The following NUP210 variants were observed in gnomAD, a reference collection of about 807,000 sequenced individuals.
The protein encoded by NUP210 is nuclear pore membrane glycoprotein 210.
Under a neutral mutation model 196.0 loss-of-function variants are expected in NUP210, and 151 were observed. That is an observed-to-expected ratio of 0.77 (90% confidence interval 0.67 to 0.88). The LOEUF (loss-of-function observed/expected upper bound fraction) is 0.88, where lower values mean the gene tolerates loss of function less well. NUP210 is among the 40% of genes least tolerant of loss of function. The pLI, the probability that NUP210 is intolerant of heterozygous loss-of-function variation, is 0.00. For missense variants in NUP210, 2,314 were observed against 2,493.7 expected, an observed-to-expected ratio of 0.93 and a Z score of 1.53; for synonymous variants, 1,070 against 1,052.7, an observed-to-expected ratio of 1.02 and a Z score of -0.32.
rs949658035 is a variant in NUP210 at position 13,350,581 on chromosome 3, G to A, written c.2835+1298C>T. Among the ~76,000 whole-genome samples, 3 of 151,766 alleles carry A rather than the reference G, an allele frequency of 2.0e-5. No individual in the cohort carries two copies. Among genetic ancestry groups the A allele is most frequent in the Non-Finnish European group, 4.4e-5 (3 of 68,008 alleles). Reference sequence around the variant, plus strand: ...CCAGAGATCAGATTCACCAGGCAAAGCCTTCCAACCAAACAACGATGAAGG... The same window carrying A: ...CCAGAGATCAGATTCACCAGGCAAAACCTTCCAACCAAACAACGATGAAGG... On this transcript the variant is annotated intron_variant, in intron 20 of 39. Coordinates refer to ENST00000254508, the MANE Select transcript of NUP210 (RefSeq NM_024923.4). The surrounding 1 kb of genome is among the most constrained non-coding windows in gnomAD (Gnocchi z 4.1).
Position 13,335,608 on chromosome 3 carries a change from G to A in NUP210, c.3689C>T (p.Ser1230Leu), listed in dbSNP as rs748810442. 75 of 1,613,820 alleles carry A rather than the reference G, an allele frequency of 4.6e-5. 1 individual carries two copies. The South Asian group carries it at 6.3e-4, about 13-fold the overall frequency. The change falls in exon 28 of 40, where the codon TCG (serine) becomes TTG (leucine). Residue 1230 changes from serine (S) to leucine (L), a missense_variant. By Grantham distance (145) the Ser-to-Leu change is moderately radical (BLOSUM62 -2). Coordinates refer to ENST00000254508, the MANE Select transcript of NUP210 (RefSeq NM_024923.4). ...LDLRGRHHEA[S>L]IRLPSQYNFA... The stretch of plus-strand genomic sequence containing the variant: ...GTTGTACTGTGACGGGAGTCGGATC[G>A]ACGCCTGGGAAGACATCAAACACGT...
Position 13,323,486 on chromosome 3 carries a change from G to A in NUP210, c.4645-54C>T, listed in dbSNP as rs1696622748. ...GAGCGCCGCCTGTGTCCCGGTCCAT[G>A]CTGGGCGTTTCCACAACCTCACCCT... On this transcript the variant is annotated intron_variant, in intron 33 of 39. Transcript: ENST00000254508. The surrounding 1 kb of genome is among the most constrained non-coding windows in gnomAD (Gnocchi z 4.3). 2 of 1,600,254 alleles carry A rather than the reference G, an allele frequency of 1.2e-6. No individual in the cohort carries two copies. Among genetic ancestry groups the A allele is most frequent in the Admixed American group, 1.7e-5 (1 of 58,586 alleles).
intron 13 of NUP210, among the ~76,000 whole-genome samples, chr3:13,370,866 T>A (rs1441259225): frequency 2.6e-5 from 4 of 152,218 alleles, no homozygotes; most frequent in African/African-American, 9.6e-5. Context: ...CAGGATCACA[T>A]CGCTCTTCTG....
intron 33 of NUP210, among the ~76,000 whole-genome samples, chr3:13,324,286 C>G (rs1232601944): frequency 6.6e-6 from 1 of 152,094 alleles, no homozygotes; most frequent in Non-Finnish European, 1.5e-5. Flanking sequence ...TGGCCCCTCT[C>G]CTGCCTGCAC....
At position 13,340,403 on chromosome 3, in the gene NUP210, A is replaced by T. The variant is rs1211527658; in HGVS notation, c.3229-105T>A. 1 of 989,366 alleles carries T rather than the reference A, an allele frequency of 1.0e-6. No individual in the cohort carries two copies. Among genetic ancestry groups the T allele is most frequent in the South Asian group, 1.4e-5 (1 of 71,562 alleles). The allele number at this position is 989,366 out of a possible 1,614,324, so 61.3% of individuals were successfully genotyped here. On this transcript the variant is annotated intron_variant, in intron 23 of 39. Coordinates refer to ENST00000254508, the MANE Select transcript of NUP210 (RefSeq NM_024923.4). The surrounding 1 kb of genome is among the most constrained non-coding windows in gnomAD (Gnocchi z 4.0). ...CATGAGAGGAAAACCTGGGACATGG[A>T]CATCACTTCTCTCTGAGCAGTGACC... is the stretch of plus-strand genomic sequence containing the variant.
At chr3:13,418,316 G>A (rs945196921) in intron 1 of NUP210, among the ~76,000 whole-genome samples, 2 of 152,256 alleles carry the variant, frequency 1.3e-5, no homozygotes, top group African/African-American at 2.4e-5. Context: ...GGGCAGGCCG[G>A]GTGCAGTGGC....
chr3:13,338,890 C>T (rs750459129), intron 25 of NUP210, among the ~76,000 whole-genome samples: 97 of 152,272 alleles, frequency 6.4e-4, no homozygotes, highest in Admixed American at 4.6e-3. Context: ...ACAAGGAATA[C>T]GCAGGGCCCT....
rs2124840033 is a variant in NUP210 at position 13,328,798 on chromosome 3, C to T, written c.4259G>A (p.Ser1420Asn). Residue 1420 changes from serine to asparagine, a missense_variant, in exon 31 of 40, where the codon AGT (serine) becomes AAT (asparagine). By Grantham distance (46) the Ser-to-Asn change is conservative (BLOSUM62 1). Coordinates refer to ENST00000254508, the MANE Select transcript of NUP210 (RefSeq NM_024923.4). The part of the protein sequence containing the change: ...DNSGDVFHAH[S>N]SVLNFATNRD... ...GTTAGTGGCAAAGTTGAGGACCGAA[C>T]TGTGAGCATGGAAGACATCTCCAGA... 6.2e-7 allele frequency: 1 copy of T among 1,614,162 alleles called. No individual in the cohort carries two copies. Among genetic ancestry groups the T allele is most frequent in the Non-Finnish European group, 8.5e-7 (1 of 1,179,994 alleles).
chr3:13,410,034 T>G (rs1403889461), intron 1 of NUP210, among the ~76,000 whole-genome samples: 2 of 150,804 alleles, frequency 1.3e-5, no homozygotes, highest in African/African-American at 4.9e-5. Flanking sequence ...TTTTTTTTTT[T>G]TTGTATTTTA....
At chr3:13,330,376 C>T (rs964417449) in intron 30 of NUP210, 84 bp downstream of exon 30, 9 of 1,288,832 alleles carry the variant, frequency 7.0e-6, no homozygotes, top group African/African-American at 4.4e-5. Flanking sequence ...GGAAGGTGAA[C>T]GTATTCACTT....
At chr3:13,382,112 C>T (rs1464962456) in intron 6 of NUP210, among the ~76,000 whole-genome samples, 1 of 152,216 alleles carries the variant, frequency 6.6e-6, no homozygotes, top group Non-Finnish European at 1.5e-5. Context: ...AAACCTAGTA[C>T]ATTTTATTTC....
At chr3:13,386,205 A>T in intron 6 of NUP210, 70 bp downstream of exon 6, 1 of 1,537,238 alleles carries the variant, frequency 6.5e-7, no homozygotes, top group Non-Finnish European at 8.8e-7. Flanking sequence ...AAATTTTGTT[A>T]CATGTATGTA....
chr3:13,324,421 G>C (rs1475538150), intron 33 of NUP210, among the ~76,000 whole-genome samples: 1 of 152,140 alleles, frequency 6.6e-6, no homozygotes, highest in Non-Finnish European at 1.5e-5. Flanking sequence ...TGTGCCTCCT[G>C]CCTCACCTGG....
intron 30 of NUP210, 140 bp downstream of exon 30, chr3:13,330,320 C>T: frequency 1.3e-6 from 1 of 772,106 alleles, no homozygotes. Flanking sequence ...TACCTAGGAC[C>T]TTTGCCCCTG....
At chr3:13,334,411 T>C (rs1249196651) in intron 28 of NUP210, among the ~76,000 whole-genome samples, 1 of 152,178 alleles carries the variant, frequency 6.6e-6, no homozygotes. Flanking sequence ...TGTCTGTGTG[T>C]GCATGTGTGT....
chr3:13,329,117 C>CCCAA (rs1161279817), intron 30 of NUP210, among the ~76,000 whole-genome samples, 171 bp from the exon 31 acceptor site: 1 of 152,130 alleles, frequency 6.6e-6, no homozygotes, highest in East Asian at 1.9e-4. Flanking sequence ...CCCAGAGTGT[C>CCCAA]CCAACCTAGT....
At chr3:13,406,849 C>T (rs1272518572) in intron 1 of NUP210, among the ~76,000 whole-genome samples, 2 of 150,888 alleles carry the variant, frequency 1.3e-5, no homozygotes, top group Non-Finnish European at 3.0e-5. Flanking sequence ...CCCCCCCCAC[C>T]CCCCACACGG....
At chr3:13,383,336 C>G (rs997433736) in intron 6 of NUP210, among the ~76,000 whole-genome samples, 1 of 152,038 alleles carries the variant, frequency 6.6e-6, no homozygotes, top group Non-Finnish European at 1.5e-5. Flanking sequence ...CATCTCATGA[C>G]ATGATGAAAG....
At chr3:13,411,998 C>T (rs1481970364) in intron 1 of NUP210, among the ~76,000 whole-genome samples, 1 of 152,150 alleles carries the variant, frequency 6.6e-6, no homozygotes, top group Non-Finnish European at 1.5e-5. Context: ...CCTCCTCGGC[C>T]TCCCAAAGTG....
Sources: allele counts gnomAD v4.1 joint callset (sites outside exome capture counted in the v4.1 genomes callset), GRCh38; gene constraint gnomAD v4.1.1; non-coding constraint Gnocchi (gnomAD v3.1); transcripts MANE v1.5; gene names NCBI Gene and HGNC (gene_info 2026-07-23, HGNC 2026-07-21).